Variants in CTNND2 observed in about 807,000 individuals in gnomAD.
The protein encoded by CTNND2 is catenin delta-2.
Under a neutral mutation model 144.4 loss-of-function variants are expected in CTNND2, and 22 were observed. The ratio of observed to expected loss-of-function variants is 0.15; its 90% CI spans 0.11 to 0.22. The LOEUF is 0.22. Ranked by LOEUF, CTNND2 falls within the 10% of genes least tolerant of loss-of-function variation. CTNND2 has a pLI of 1.00. For missense variants in CTNND2, 1,353 were observed against 1,618.8 expected, an observed-to-expected ratio of 0.84 and a Z score of 2.82; for synonymous variants, 751 against 695.6, an observed-to-expected ratio of 1.08 and a Z score of -1.25.
chr5:11,312,739 C>A (rs1751125092), intron 9 of CTNND2, among the ~76,000 whole-genome samples: 2 of 152,214 alleles, frequency 1.3e-5, no homozygotes, highest in African/African-American at 4.8e-5. Flanking sequence ...TTCACACCCA[C>A]CCCGTGCTCT....
chr5:11,256,737 T>C (rs1348170838), intron 9 of CTNND2, among the ~76,000 whole-genome samples: 1 of 152,192 alleles, frequency 6.6e-6, no homozygotes, highest in African/African-American at 2.4e-5. Context: ...TAGTGAATAA[T>C]ATCCACTGGC....
At chr5:11,018,082 G>A (rs1173648251) in intron 17 of CTNND2, 24 bp from the exon 18 acceptor site, 1 of 1,547,516 alleles carries the variant, frequency 6.5e-7, no homozygotes, top group Non-Finnish European at 8.9e-7. Context: ...GACAGGAAAG[G>A]CAAGATGTGA....
chr5:11,240,226 CACACACACA>C, intron 9 of CTNND2, among the ~76,000 whole-genome samples: 1 of 129,168 alleles, frequency 7.7e-6, no homozygotes, highest in African/African-American at 3.0e-5. Flanking sequence ...ACACACCCAA[CACACACACA>C]CCAACACACA....
intron 3 of CTNND2, among the ~76,000 whole-genome samples, chr5:11,415,366 G>C (rs1190201791): frequency 6.6e-6 from 1 of 152,154 alleles, no homozygotes; most frequent in Non-Finnish European, 1.5e-5. Context: ...TGATTTGGGA[G>C]GCTGAAGCAG....
intron 9 of CTNND2, among the ~76,000 whole-genome samples, chr5:11,328,744 C>T (rs1023501015): frequency 1.1e-4 from 16 of 152,272 alleles, no homozygotes; most frequent in African/African-American, 2.4e-4. Context: ...CAGATTATTG[C>T]GAAGTCCCAC....
chr5:11,584,429 G>GT (rs1194613353), intron 2 of CTNND2, among the ~76,000 whole-genome samples: 4 of 145,708 alleles, frequency 2.7e-5, no homozygotes, highest in Non-Finnish European at 4.6e-5. Flanking sequence ...TTTTTTTGGG[G>GT]GGGGGGAGGA....
chr5:11,273,226 G>C (rs1283010448), intron 9 of CTNND2, among the ~76,000 whole-genome samples: 1 of 152,136 alleles, frequency 6.6e-6, no homozygotes, highest in African/African-American at 2.4e-5. Flanking sequence ...GCTGACCCAA[G>C]TATTTGAGCT....
intron 9 of CTNND2, among the ~76,000 whole-genome samples, chr5:11,308,128 A>G (rs72730982): frequency 6.0e-4 from 91 of 152,278 alleles, no homozygotes; most frequent in Non-Finnish European, 1.2e-3. Flanking sequence ...TAAGGCACCC[A>G]GTTTGTGGCA....
intron 18 of CTNND2, among the ~76,000 whole-genome samples, chr5:11,004,545 C>T (rs1023518184): frequency 1.6e-4 from 24 of 152,138 alleles, no homozygotes; most frequent in Non-Finnish European, 4.4e-5. Flanking sequence ...GGGTGGATCA[C>T]CTGAGATCGG....
chr5:11,193,086 G>A (rs528615571), intron 11 of CTNND2, among the ~76,000 whole-genome samples: 11 of 152,242 alleles, frequency 7.2e-5, no homozygotes, highest in East Asian at 1.9e-4. Flanking sequence ...CAATTCCAGC[G>A]TGAGGCAGCC....
chr5:11,069,514 G>A (rs1050272154), intron 16 of CTNND2, among the ~76,000 whole-genome samples: 3 of 152,148 alleles, frequency 2.0e-5, no homozygotes, highest in Non-Finnish European at 2.9e-5. Flanking sequence ...AGGAGGCTGT[G>A]AACTCAGAAA....
At chr5:11,079,630 A>G (rs762714736) in intron 16 of CTNND2, among the ~76,000 whole-genome samples, 26 of 152,286 alleles carry the variant, frequency 1.7e-4, no homozygotes, top group Middle Eastern at 3.4e-3. Context: ...GCCTGCTCCC[A>G]GTTCCCTCTC....
At chr5:11,693,075 C>T (rs1004737914) in intron 2 of CTNND2, among the ~76,000 whole-genome samples, 1 of 152,128 alleles carries the variant, frequency 6.6e-6, no homozygotes, top group Admixed American at 6.6e-5. Context: ...AGTCCAAAAA[C>T]CAAGAACATT....
intron 1 of CTNND2, among the ~76,000 whole-genome samples, chr5:11,771,547 A>G (rs1413823170): frequency 6.6e-6 from 1 of 152,130 alleles, no homozygotes; most frequent in African/African-American, 2.4e-5. Flanking sequence ...TGAGAGATAT[A>G]TTTTTTCACA....
At chr5:11,040,925 G>T (rs189641892) in intron 16 of CTNND2, among the ~76,000 whole-genome samples, 1 of 152,198 alleles carries the variant, frequency 6.6e-6, no homozygotes, top group Non-Finnish European at 1.5e-5. Flanking sequence ...TTATTTTTAG[G>T]TCAAGATTGC....
At chr5:11,774,457 G>A (rs890477125) in intron 1 of CTNND2, among the ~76,000 whole-genome samples, 3 of 145,936 alleles carry the variant, frequency 2.1e-5, no homozygotes, top group African/African-American at 4.9e-5. Context: ...GCTAGATGAC[G>A]AGTTAGTGGG....
chr5:11,309,847 T>G (rs1224368862), intron 9 of CTNND2, among the ~76,000 whole-genome samples: 1 of 152,156 alleles, frequency 6.6e-6, no homozygotes, highest in African/African-American at 2.4e-5. Context: ...ATTTCCCCCC[T>G]GCTTCTCTAG....
chr5:11,636,593 T>G (rs941596501), intron 2 of CTNND2, among the ~76,000 whole-genome samples: 3 of 152,186 alleles, frequency 2.0e-5, no homozygotes, highest in African/African-American at 7.2e-5. Flanking sequence ...TTTTCCAACC[T>G]CTGGTACAAT....
intron 2 of CTNND2, among the ~76,000 whole-genome samples, chr5:11,642,473 A>G (rs992651524): frequency 6.6e-6 from 1 of 152,200 alleles, no homozygotes; most frequent in African/African-American, 2.4e-5. Flanking sequence ...AGCCAGCAGC[A>G]CAAACTCTGA....
Sources: allele counts gnomAD v4.1 joint callset (sites outside exome capture counted in the v4.1 genomes callset), GRCh38; gene constraint gnomAD v4.1.1; transcripts MANE v1.5; gene names NCBI Gene and HGNC (gene_info 2026-07-23, HGNC 2026-07-21).